Variants in PRKN observed in about 807,000 individuals in gnomAD.
PRKN encodes the protein parkin RBR E3 ubiquitin protein ligase.
In PRKN, 56 loss-of-function variants were observed where a neutral mutation model predicts 59.5. The observed-to-expected ratio is 0.94, with a 90% CI of 0.76 to 1.18. PRKN has a LOEUF of 1.18. Among genes scored for constraint, PRKN ranks in the 50% most tolerant of loss-of-function variants. The probability of loss-of-function intolerance (pLI) is 0.00; values close to 1 mark genes in which losing one functional copy is unlikely to be tolerated. For missense variants in PRKN, 657 were observed against 596.4 expected (o/e 1.10, Z -1.06); for synonymous variants, 250 against 222.1 (o/e 1.13, Z -1.12).
chr6:161,757,871 C>CTCTCTCTCTCTCTCTCTCTCTCTGTGTG lies in PRKN; in HGVS notation c.871+27900_871+27901insCACACAGAGAGAGAGAGAGAGAGAGAGA, dbSNP rs1380898753. Among the ~76,000 whole-genome samples the CTCTCTCTCTCTCTCTCTCTCTCTGTGTG allele has an allele frequency of 5.1e-5, 5 of 97,984 alleles. 1 individual carries two copies. Among genetic ancestry groups the CTCTCTCTCTCTCTCTCTCTCTCTGTGTG allele is most frequent in the African/African-American group, 2.2e-4 (5 of 22,322 alleles). The allele number at this position is 97,984 out of a possible 152,430, so 64.3% of individuals were successfully genotyped here. A position where few individuals can be genotyped will look rare whatever the true frequency, so the allele number is the denominator to read the frequency against. Reference sequence around the variant, plus strand: ...TCTCTCTCTCTCTCTCTCTCTCTCTCTGTGTATATATATATACACACACAC... The same window carrying CTCTCTCTCTCTCTCTCTCTCTCTGTGTG: ...TCTCTCTCTCTCTCTCTCTCTCTCTCTCTCTCTCTCTCTCTCTCTCTCTGTGTGTGTGTATATATATATACACACACAC... On this transcript the variant is annotated intron_variant, in intron 7 of 11. Coordinates refer to ENST00000366898, the MANE Select transcript of PRKN (RefSeq NM_004562.3).
intron 9 of PRKN, among the ~76,000 whole-genome samples, chr6:161,490,334 TTG>T (rs1386073352): frequency 1.4e-4 from 19 of 131,774 alleles, no homozygotes; most frequent in African/African-American, 2.9e-4. Context: ...GCTTGCTTGC[TTG>T]CTTTCTCTCT....
intron 1 of PRKN, among the ~76,000 whole-genome samples, chr6:162,572,845 ACT>A (rs1780398940): frequency 6.6e-6 from 1 of 151,424 alleles, no homozygotes; most frequent in Admixed American, 6.6e-5. Context: ...TTCTCAAAAA[ACT>A]CTGCGTAACC....
chr6:162,324,588 G>T (rs1370982051), intron 2 of PRKN, among the ~76,000 whole-genome samples: 1 of 151,952 alleles, frequency 6.6e-6, no homozygotes, highest in Non-Finnish European at 1.5e-5. Context: ...GGCACAGGGG[G>T]TCCACAGGTG....
At chr6:161,855,700 A>G (rs1793622257) in intron 6 of PRKN, among the ~76,000 whole-genome samples, 1 of 152,236 alleles carries the variant, frequency 6.6e-6, no homozygotes, top group East Asian at 1.9e-4. Context: ...TTGACAGATA[A>G]TCCTTATACC....
At chr6:161,989,767 G>A (rs544525321) in intron 5 of PRKN, among the ~76,000 whole-genome samples, 111 of 152,180 alleles carry the variant, frequency 7.3e-4, no homozygotes, top group African/African-American at 2.4e-3. Context: ...GGGCCCTGAC[G>A]ATGGGCCTGC....
At chr6:162,223,845 A>T (rs942524655) in intron 3 of PRKN, among the ~76,000 whole-genome samples, 1 of 152,132 alleles carries the variant, frequency 6.6e-6, no homozygotes, top group Non-Finnish European at 1.5e-5. Flanking sequence ...CAATGTTCCA[A>T]GAGCTGTTGT....
In PRKN at chr6:161,413,942, G is replaced by A. The variant is rs949767554; in HGVS notation, c.1084-27065C>T. Among the ~76,000 whole-genome samples, 3 of 152,128 alleles carry A rather than the reference G, an allele frequency of 2.0e-5. No homozygotes were observed. Among genetic ancestry groups the A allele is most frequent in the Non-Finnish European group, 4.4e-5 (3 of 68,032 alleles). On this transcript the variant is annotated intron_variant, in intron 9 of 11. Transcript: ENST00000366898. The surrounding 1 kb of genome is among the most constrained non-coding windows in gnomAD (Gnocchi z 4.4). ...TGAAGAGGAGACTGTGGAAAGGGAA[G>A]CGAGGCAGAGGTGGCAGAAAGAGAT...
chr6:162,695,412 A>G (rs1562503694), intron 1 of PRKN, among the ~76,000 whole-genome samples: 1 of 152,164 alleles, frequency 6.6e-6, no homozygotes, highest in Non-Finnish European at 1.5e-5. Flanking sequence ...TTAATATCCT[A>G]TTATTCCTAC....
Position 162,245,179 on chromosome 6 carries a change from G to A in PRKN, c.412+17346C>T, listed in dbSNP as rs555451826. ...CTGGTACTCTTTCAATGCGATGTAG[G>A]TTTATTATATGGGCTATTTTACAAC... is the stretch of plus-strand genomic sequence containing the variant. On this transcript the variant is annotated intron_variant, in intron 3 of 11. Transcript: ENST00000366898. Among the ~76,000 whole-genome samples the A allele has an allele frequency of 1.3e-3, 193 of 152,076 alleles. 1 individual carries two copies. The highest frequency in any genetic ancestry group is 4.3e-3 in the African/African-American group (177 of 41,508).
chr6:162,047,275 ACATTT>A (rs1784289216), intron 5 of PRKN, among the ~76,000 whole-genome samples: 1 of 152,156 alleles, frequency 6.6e-6, no homozygotes, highest in Non-Finnish European at 1.5e-5. Context: ...TCCACTCTCT[ACATTT>A]AAGTGTCCAG....
Position 162,668,248 on chromosome 6 carries a change from A to G in PRKN, c.7+59414T>C, listed in dbSNP as rs139564286. Among the ~76,000 whole-genome samples, 18 of 152,358 alleles carry G rather than the reference A, an allele frequency of 1.2e-4. No individual in the cohort carries two copies. The East Asian group carries it at 3.5e-3, about 29-fold the overall frequency. On this transcript the variant is annotated intron_variant, in intron 1 of 11. Transcript: ENST00000366898. ...CTCATAATTGTAAGATTAAAATATG[A>G]AACTTTATTATAAAAAGGGCACAGA...
chr6:161,781,957 T>G (rs946901565), intron 7 of PRKN, among the ~76,000 whole-genome samples: 1 of 152,238 alleles, frequency 6.6e-6, no homozygotes, highest in Non-Finnish European at 1.5e-5. Flanking sequence ...TACTGCACTT[T>G]GCAATTGCTG....
At chr6:161,658,030 A>AAAAAAAAAAAGAAAAAAAAAAAAAAAG (rs781518268) in intron 7 of PRKN, among the ~76,000 whole-genome samples, 1 of 104,880 alleles carries the variant, frequency 9.5e-6, no homozygotes, top group African/African-American at 3.5e-5. Flanking sequence ...AAAAAAAAAA[A>AAAAAAAAAAAGAAAAAAAAAAAAAAAG]AAAAGAAAAG....
At chr6:162,340,616 A>G (rs150430012) in intron 2 of PRKN, among the ~76,000 whole-genome samples, 3,303 of 152,342 alleles carry the variant, frequency 0.022, 63 homozygotes, top group Non-Finnish European at 0.031. Flanking sequence ...GGACTCAGAA[A>G]TAACACCACG....
At position 161,369,123 on chromosome 6, in the gene PRKN, G is replaced by A. The variant is rs998981798; in HGVS notation, c.1168-8918C>T. Among the ~76,000 whole-genome samples, 1 of 152,138 alleles carries A rather than the reference G, an allele frequency of 6.6e-6. No individual in the cohort carries two copies. The highest frequency in any genetic ancestry group is 1.5e-5 in the Non-Finnish European group (1 of 68,038). On this transcript the variant is annotated intron_variant, in intron 10 of 11. Transcript: ENST00000366898. The surrounding 1 kb of genome is among the most constrained non-coding windows in gnomAD (Gnocchi z 5.8). ...ACCTTTGACTGCCACTTCCGAGAGG[G>A]GATTTCTACCAGGAGGAGCACATCT...
chr6:162,531,544 T>C (rs1376127441), intron 1 of PRKN, among the ~76,000 whole-genome samples: 3 of 152,020 alleles, frequency 2.0e-5, no homozygotes, highest in South Asian at 2.1e-4. Context: ...GCTGTCTTCC[T>C]GCATTCAGTC....
chr6:162,603,300 A>G (rs1023876118), intron 1 of PRKN, among the ~76,000 whole-genome samples: 7 of 152,154 alleles, frequency 4.6e-5, no homozygotes, highest in Non-Finnish European at 8.8e-5. Context: ...CATAGTCCTC[A>G]GGCCTTAACT....
At chr6:162,727,586 G>C (rs1266284786) in intron 1 of PRKN, 76 bp downstream of exon 1, 1 of 1,471,962 alleles carries the variant, frequency 6.8e-7, no homozygotes, top group Non-Finnish European at 9.3e-7. Context: ...GGTCCTGGTC[G>C]GCCGAGGCGG....
chr6:161,839,094 A>G (rs1792879005), intron 6 of PRKN, among the ~76,000 whole-genome samples: 1 of 152,094 alleles, frequency 6.6e-6, no homozygotes, highest in South Asian at 2.1e-4. Flanking sequence ...AGGGGAGAAG[A>G]AGCGCTGTTA....
Sources: gnomAD v4.1 joint callset for allele counts (sites outside exome capture counted in the v4.1 genomes callset) on GRCh38, gnomAD v4.1.1 for gene constraint, Gnocchi (gnomAD v3.1) non-coding constraint, MANE v1.5 for transcripts, NCBI Gene and HGNC (gene_info 2026-07-23, HGNC 2026-07-21) for gene names.